Variants in GRIA2 observed in about 807,000 individuals in gnomAD.
GRIA2 encodes the protein glutamate receptor 2.
GRIA2 carries 14 observed loss-of-function variants against 97.3 expected under a neutral mutation model. The observed-to-expected ratio is 0.14, with a 90% CI of 0.10 to 0.23. The LOEUF (loss-of-function observed/expected upper bound fraction) is 0.23. Ranked by LOEUF, GRIA2 falls within the 10% of genes least tolerant of loss-of-function variation. GRIA2 has a pLI of 1.00. For missense variants in GRIA2, 558 were observed against 1,069.8 expected, an observed-to-expected ratio of 0.52 and a Z score of 6.67; for synonymous variants, 412 against 387.8, an observed-to-expected ratio of 1.06 and a Z score of -0.73.
intron 2 of GRIA2, among the ~76,000 whole-genome samples, chr4:157,260,815 CT>C (rs1731497939): frequency 6.6e-6 from 1 of 151,784 alleles, no homozygotes; most frequent in Non-Finnish European, 1.5e-5. Context: ...TTTCCTCCCC[CT>C]CCTCCTCTTT....
rs1433201690 is a variant in GRIA2, at chr4:157,334,098, C to T, written c.1244C>T (p.Thr415Ile). Residue 415 changes from threonine (T) to isoleucine (I), a missense_variant, in exon 9 of 16, where the codon ACT (threonine) becomes ATT (isoleucine). Physicochemically the swap from Thr to Ile is moderately conservative, Grantham distance 89 (BLOSUM62 -1). Transcript: ENST00000264426. ...GACACCTCTGGGCTTGAGAATAAGA[C>T]TGTTGTTGTCACCACAATTTTGGTA... is the stretch of plus-strand genomic sequence containing the variant. Reference protein sequence around the residue: ...GNDTSGLENKTVVVTTILESP... With the variant: ...GNDTSGLENKIVVVTTILESP... 6.3e-7 allele frequency: 1 copy of T among 1,596,812 alleles called. No individual in the cohort carries two copies. The highest frequency in any genetic ancestry group is 8.6e-7 in the Non-Finnish European group (1 of 1,164,800).
intron 2 of GRIA2, among the ~76,000 whole-genome samples, chr4:157,228,132 T>A (rs1234994499): frequency 6.6e-6 from 1 of 152,236 alleles, no homozygotes; most frequent in East Asian, 1.9e-4. Flanking sequence ...TGCTGTTAAC[T>A]GTGTGTTCTT....
At chr4:157,341,540 C>A in intron 12 of GRIA2, 78 bp downstream of exon 12, 1 of 953,896 alleles carries the variant, frequency 1.0e-6, no homozygotes, top group Non-Finnish European at 1.7e-6. Flanking sequence ...CTCCCATAGT[C>A]AATTCCAAGG....
chr4:157,343,437 A>G (rs1341791344), intron 12 of GRIA2, among the ~76,000 whole-genome samples: 1 of 151,938 alleles, frequency 6.6e-6, no homozygotes, highest in Admixed American at 6.6e-5. Flanking sequence ...TCCATACACT[A>G]TTTTTCCTCG....
At chr4:157,317,761 TA>T in intron 5 of GRIA2, 50 bp downstream of exon 5, 1 of 750,232 alleles carries the variant, frequency 1.3e-6, no homozygotes, top group South Asian at 1.6e-5. Context: ...GCTTATTTAT[TA>T]AAAATTTAAT....
intron 12 of GRIA2, chr4:157,342,350 C>T (rs1735584123): frequency 1.0e-6 from 1 of 985,146 alleles, no homozygotes; most frequent in South Asian, 4.7e-5. Context: ...TTCTGAATAA[C>T]TTCACTTCAG....
chr4:157,327,633 T>G (rs895692224), intron 6 of GRIA2, among the ~76,000 whole-genome samples: 3 of 152,172 alleles, frequency 2.0e-5, no homozygotes, highest in African/African-American at 7.2e-5. Flanking sequence ...CTAGCCATTC[T>G]ACCTTATCAC....
Position 157,279,715 on chromosome 4 carries a change from A to G in GRIA2, c.230-23837A>G, listed in dbSNP as rs181187219. On this transcript the variant is annotated intron_variant, in intron 2 of 15. Transcript: ENST00000264426. Reference sequence around the variant, plus strand: ...ATTCACCCTAACACCTTTCTTTTATAACATAATTATCAATGTATTTAGGAA... The same window carrying G: ...ATTCACCCTAACACCTTTCTTTTATGACATAATTATCAATGTATTTAGGAA... 6.0e-4 allele frequency among the ~76,000 whole-genome samples: 91 copies of G among 152,266 alleles called. No homozygotes were observed. In the East Asian group the frequency reaches 0.011, roughly 18 times the overall value.
rs1452701756 is a variant in GRIA2 at position 157,221,119 on chromosome 4, G to A, written c.77G>A (p.Ser26Asn). The A allele has an allele frequency of 6.6e-7, 1 of 1,514,644 alleles. No individual in the cohort carries two copies. Among genetic ancestry groups the A allele is most frequent in the Non-Finnish European group, 9.2e-7 (1 of 1,089,206 alleles). 93.8% of individuals were successfully genotyped at this position (1,514,644 alleles called of 1,614,324 possible). ...WGLIFGVSSN[S>N]IQIGGLFPRG... ...CTGATTTTTGGTGTCTCTTCTAACA[G>A]CATACAGATAGGTAGGTACCCTTTG... The change falls in exon 1 of 16, where the codon AGC (serine) becomes AAC (asparagine). Residue 26 changes from serine (S) to asparagine (N), a missense_variant. This residue lies in a region of GRIA2 where 96 missense variants were observed against 176.6 expected (regional missense o/e 0.54). Transcript: ENST00000264426.
At position 157,303,562 on chromosome 4, in the gene GRIA2, G is replaced by A. The variant is rs2126866495; in HGVS notation, c.240G>A (p.Gln80=). 6.2e-7 allele frequency: 1 copy of A among 1,613,572 alleles called. No homozygotes were observed. Among genetic ancestry groups the A allele is most frequent in the Non-Finnish European group, 8.5e-7 (1 of 1,179,580 alleles). ...SFAVTNAFCS[Q]FSRGVYAIFG... is the part of the protein sequence containing the mutation. ...TTCCTATTCTTCTAGTCTGCTCCCA[G>A]TTTTCGAGAGGAGTCTATGCTATTT... The change falls in exon 3 of 16, where the codon CAG becomes CAA. Residue 80 remains glutamine (Q), a synonymous_variant. Coordinates refer to ENST00000264426, the MANE Select transcript of GRIA2 (RefSeq NM_001083619.3).
At chr4:157,286,992 T>C (rs1009823105) in intron 2 of GRIA2, among the ~76,000 whole-genome samples, 2 of 151,524 alleles carry the variant, frequency 1.3e-5, no homozygotes, top group Non-Finnish European at 3.0e-5. Context: ...TTTTGATCAA[T>C]TCTAGAAAAA....
At chr4:157,303,508 C>A (rs1366152593) in intron 2 of GRIA2, 44 bp from the exon 3 acceptor site, 4 of 1,578,646 alleles carry the variant, frequency 2.5e-6, no homozygotes, top group Non-Finnish European at 3.5e-6. Context: ...TGATTGTGTG[C>A]CAATTTCAAT....
chr4:157,234,999 T>G (rs1467359779), intron 2 of GRIA2, among the ~76,000 whole-genome samples: 1 of 152,126 alleles, frequency 6.6e-6, no homozygotes, highest in African/African-American at 2.4e-5. Flanking sequence ...ACTCTTATTC[T>G]TCTTATGTTG....
At chr4:157,288,310 A>G (rs1229466161) in intron 2 of GRIA2, among the ~76,000 whole-genome samples, 1 of 151,690 alleles carries the variant, frequency 6.6e-6, no homozygotes, top group Non-Finnish European at 1.5e-5. Context: ...AAACCAGTTT[A>G]CATTTTTTAG....
At chr4:157,269,575 A>G (rs1031491233) in intron 2 of GRIA2, among the ~76,000 whole-genome samples, 1 of 152,094 alleles carries the variant, frequency 6.6e-6, no homozygotes, top group African/African-American at 2.4e-5. Context: ...ACTGTTCATC[A>G]TCATCACCAC....
At position 157,362,933 on chromosome 4, in the gene GRIA2, G is replaced by T; in HGVS notation, c.2541G>T (p.Lys847Asn). The T allele has an allele frequency of 6.2e-7, 1 of 1,613,580 alleles. No individual in the cohort carries two copies. Among genetic ancestry groups the T allele is most frequent in the Non-Finnish European group, 8.5e-7 (1 of 1,179,666 alleles). ...CAAGGGCCGAGGCGAAACGAATGAA[G>T]GTGGCAAAGAATGCACAGAATATTA... is the stretch of plus-strand genomic sequence containing the variant. ...YKSRAEAKRM[K>N]VAKNAQNINP... The change falls in exon 15 of 16, where the codon AAG (lysine) becomes AAT (asparagine). Residue 847 changes from lysine to asparagine, a missense_variant. Transcript: ENST00000264426.
At chr4:157,353,124 G>T (rs1736089987) in intron 12 of GRIA2, among the ~76,000 whole-genome samples, 1 of 151,526 alleles carries the variant, frequency 6.6e-6, no homozygotes, top group Non-Finnish European at 1.5e-5. Context: ...AGGCCGAGGT[G>T]GGTGGATCAC....
At chr4:157,221,533 G>T in intron 1 of GRIA2, 134 bp from the exon 2 acceptor site, 2 of 891,168 alleles carry the variant, frequency 2.2e-6, no homozygotes, top group South Asian at 1.6e-5. Context: ...CCCGCTGTCC[G>T]AGTCCGTAGG....
intron 2 of GRIA2, among the ~76,000 whole-genome samples, chr4:157,271,469 A>T (rs1282437923): frequency 2.0e-5 from 3 of 152,062 alleles, no homozygotes; most frequent in African/African-American, 7.2e-5. Flanking sequence ...TCAGGGAAAC[A>T]CTTACATTTA....
Sources: gnomAD v4.1 joint callset for allele counts (sites outside exome capture counted in the v4.1 genomes callset) on GRCh38, gnomAD v4.1.1 for gene constraint, gnomAD v4.1.1 regional missense constraint, MANE v1.5 for transcripts, NCBI Gene and HGNC (gene_info 2026-07-23, HGNC 2026-07-21) for gene names.